ASIC4: variants seen among roughly 807,000 people sequenced by gnomAD.
ASIC4 encodes the protein acid sensing ion channel subunit family member 4, also known as acid-sensing ion channel 4.
Under a neutral mutation model 53.4 loss-of-function variants are expected in ASIC4, and 28 were observed. The ratio of observed to expected loss-of-function variants is 0.52; its 90% confidence interval spans 0.39 to 0.72. The LOEUF (loss-of-function observed/expected upper bound fraction) is 0.72, where lower values mean the gene tolerates loss of function less well. Among genes scored for constraint, ASIC4 ranks in the 30% least tolerant of loss-of-function variants. The probability of loss-of-function intolerance (pLI) is 0.00; values close to 1 mark genes in which losing one functional copy is unlikely to be tolerated. For synonymous variants in ASIC4, 289 were observed against 301.4 expected (o/e 0.96, Z 0.43); for missense variants, 649 against 729.7 (o/e 0.89, Z 1.27).
chr2:219,515,244 G>A lies in ASIC4; in HGVS notation c.520G>A (p.Ala174Thr), dbSNP rs747978175. ...CCTCAACCGCACTGGCCACCAGCTCGCCGACATGCTTAAGAGCTGCAACTT... is the reference window on the plus strand; with the variant it reads ...CCTCAACCGCACTGGCCACCAGCTCACCGACATGCTTAAGAGCTGCAACTT... ...DILNRTGHQLADMLKSCNFSG... is the reference protein window; with the variant it reads ...DILNRTGHQLTDMLKSCNFSG... The change falls in exon 1 of 10, where the codon GCC becomes ACC. Residue 174 changes from alanine to threonine, a missense_variant. Transcript: ENST00000358078. 22 of 1,614,140 alleles carry A rather than the reference G, an allele frequency of 1.4e-5. No homozygotes were observed. In the South Asian group the frequency reaches 2.0e-4, roughly 14 times the overall value.
chr2:219,532,102 A>T lies in ASIC4; in HGVS notation c.829A>T (p.Thr277Ser). 1 of 1,614,078 alleles carries T rather than the reference A, an allele frequency of 6.2e-7. No homozygotes were observed. Among genetic ancestry groups the T allele is most frequent in the East Asian group, 2.2e-5 (1 of 44,864 alleles). The change falls in exon 3 of 10, where the codon ACC (threonine) becomes TCC (serine). Residue 277 changes from threonine to serine, a missense_variant. Transcript: ENST00000358078. ...GTTCGGGGTGTCCCCAGGCTTCCAG[A>T]CCTTTGTGTCCTGCCAGGAACAGCG... Reference protein sequence around the residue: ...LGFGVSPGFQTFVSCQEQRLT... With the variant: ...LGFGVSPGFQSFVSCQEQRLT...
In ASIC4 at chr2:219,531,792, A is replaced by G; in HGVS notation, c.617A>G (p.Asn206Ser). The G allele has an allele frequency of 1.2e-6, 2 of 1,612,376 alleles. No individual in the cohort carries two copies. Among genetic ancestry groups the G allele is most frequent in the Non-Finnish European group, 1.7e-6 (2 of 1,179,212 alleles). Residue 206 changes from asparagine (N) to serine (S), a missense_variant, in exon 2 of 10, where the codon AAC becomes AGC. Asn to Ser is a conservative substitution (Grantham distance 46). Transcript: ENST00000358078. ...CGCTATGGGAAGTGTTACACCTTCA[A>G]CGCGGACCCGCGGAGCTCGCTGCCC... ...YTRYGKCYTF[N>S]ADPRSSLPSR...
upstream of ASIC4, among the ~76,000 whole-genome samples, chr2:219,510,351 C>G (rs965585501): frequency 4.6e-5 from 7 of 152,188 alleles, no homozygotes; most frequent in Admixed American, 2.6e-4. The surrounding 1 kb of genome is among the most constrained non-coding windows in gnomAD (Gnocchi z 5.2). Context: ...CCAGCACCCC[C>G]TCCCGGCCAG....
upstream of ASIC4, chr2:219,514,280 T>G (rs543292891): frequency 2.0e-5 from 30 of 1,470,124 alleles, no homozygotes; most frequent in African/African-American, 3.9e-4. Context: ...CTGACGCCCG[T>G]GCTGCCGGTG....
In ASIC4 at chr2:219,517,978, C is replaced by T. The variant is rs4674407; in HGVS notation, c.582+2672C>T. Reference sequence around the variant, plus strand: ...CACATTTTCCAGCCTATTTTTACTCCGGGTAATGTGCCCTCCCCCAGTCCC... The same window carrying T: ...CACATTTTCCAGCCTATTTTTACTCTGGGTAATGTGCCCTCCCCCAGTCCC... On this transcript the variant is annotated intron_variant, in intron 1 of 9. Transcript: ENST00000358078. This position sits in a 1 kb window ranked among gnomAD's most constrained non-coding sequence, Gnocchi z 4.2. Among the ~76,000 whole-genome samples, 69,330 of 151,934 alleles carry T rather than the reference C, an allele frequency of 0.46. 16,066 individuals are homozygous for T. The highest frequency in any genetic ancestry group is 0.59 in the South Asian group (2,850 of 4,812).
chr2:219,511,504 G>A (rs567363569), upstream of ASIC4, among the ~76,000 whole-genome samples: 48 of 152,208 alleles, frequency 3.2e-4, no homozygotes, highest in South Asian at 9.7e-3. This position sits in a 1 kb window ranked among gnomAD's most constrained non-coding sequence, Gnocchi z 5.3. Context: ...GAATTGGACT[G>A]GGAATAAATC....
rs771617665 is a variant in ASIC4 at position 219,514,862 on chromosome 2, C to T, written c.138C>T (p.Ala46=). 2.2e-5 allele frequency: 36 copies of T among 1,612,796 alleles called. No individual in the cohort carries two copies. The highest frequency in any genetic ancestry group is 3.1e-5 in the Non-Finnish European group (36 of 1,179,830). ...CCCCCCGAGACCTGGCCACCTTTGC[C>T]AGCACCAGCACCCTGCATGGACTGG... ...GAAPRDLATF[A]STSTLHGLGR... The change falls in exon 1 of 10, where the codon GCC becomes GCT. Residue 46 remains alanine, a synonymous_variant. Coordinates refer to ENST00000358078, the MANE Select transcript of ASIC4 (RefSeq NM_018674.6).
chr2:219,537,878 TGGG>T lies in ASIC4; in HGVS notation c.1507-52_1507-50del. 6.6e-7 allele frequency: 1 copy of T among 1,510,210 alleles called. No individual in the cohort carries two copies. The highest frequency in any genetic ancestry group is 9.0e-7 in the Non-Finnish European group (1 of 1,106,270). 93.6% of individuals were successfully genotyped at this position (1,510,210 alleles called of 1,614,324 possible). A position where few individuals can be genotyped will look rare whatever the true frequency, so the allele number is the denominator to read the frequency against. ...AAGGAAAGGCTGGCGGTGTGAGCCC[TGGG>T]GGCACCACTTGAGCTCTCCCGGTCC... On this transcript the variant is annotated intron_variant, in intron 9 of 9. Coordinates refer to ENST00000358078, the MANE Select transcript of ASIC4 (RefSeq NM_018674.6). The surrounding 1 kb of genome is among the most constrained non-coding windows in gnomAD (Gnocchi z 4.9).
chr2:219,514,756 T>G lies in ASIC4; in HGVS notation c.32T>G (p.Phe11Cys). 1 of 1,613,424 alleles carries G rather than the reference T, an allele frequency of 6.2e-7. No individual in the cohort carries two copies. Among genetic ancestry groups the G allele is most frequent in the East Asian group, 2.2e-5 (1 of 44,828 alleles). The change falls in exon 1 of 10, where the codon TTT (phenylalanine) becomes TGT (cysteine). Residue 11 changes from phenylalanine to cysteine, a missense_variant. By Grantham distance (205) the Phe-to-Cys change is radical (BLOSUM62 -2). Transcript: ENST00000358078. MPIEIVCKIK[F>C]AEEDAKPKEK... ...ATCGAGATTGTGTGCAAAATCAAAT[T>G]TGCTGAGGAGGATGCGAAACCCAAG...
intron 1 of ASIC4, among the ~76,000 whole-genome samples, chr2:219,528,491 G>A (rs1182329588): frequency 6.6e-6 from 1 of 152,040 alleles, no homozygotes; most frequent in Non-Finnish European, 1.5e-5. Flanking sequence ...CCAAGTGTTA[G>A]TGTTGGGATT....
intron 1 of ASIC4, among the ~76,000 whole-genome samples, chr2:219,522,749 G>T (rs1212194903): frequency 6.6e-6 from 1 of 152,070 alleles, no homozygotes; most frequent in Non-Finnish European, 1.5e-5. Context: ...GGCCGCCGCG[G>T]GGGCGGGCGG....
intron 1 of ASIC4, among the ~76,000 whole-genome samples, chr2:219,525,189 C>G (rs1400145198): frequency 2.6e-5 from 4 of 152,232 alleles, no homozygotes; most frequent in Non-Finnish European, 5.9e-5. Flanking sequence ...AGTGATCAAT[C>G]TCTGCCCTAG....
Position 219,531,852 on chromosome 2 carries a change from T to G in ASIC4, c.677T>G (p.Ile226Ser). Residue 226 changes from isoleucine (I) to serine (S), a missense_variant, in exon 2 of 10, where the codon ATC becomes AGC. Physicochemically the swap from Ile to Ser is moderately radical, Grantham distance 142. Transcript: ENST00000358078. ...RAGGMGSGLEIMLDIQQEEYL... is the reference protein window; with the variant it reads ...RAGGMGSGLESMLDIQQEEYL... ...GGGGGCATGGGCAGTGGCCTGGAGA[T>G]CATGCTGGACATCCAGCAGGAGGAG... 7 of 1,613,700 alleles carry G rather than the reference T, an allele frequency of 4.3e-6. No homozygotes were observed. The highest frequency in any genetic ancestry group is 5.9e-6 in the Non-Finnish European group (7 of 1,179,812).
chr2:219,533,003 C>G (rs1479007579), intron 5 of ASIC4, 64 bp downstream of exon 5: 1 of 1,517,788 alleles, frequency 6.6e-7, no homozygotes, highest in East Asian at 2.3e-5. Context: ...CCACTCTTCT[C>G]CTCACTGTCT....
the ASIC4 span, among the ~76,000 whole-genome samples, chr2:219,508,576 C>T: frequency 6.6e-6 from 1 of 151,182 alleles, no homozygotes; most frequent in East Asian, 2.0e-4. Flanking sequence ...GAAGGACATG[C>T]CCCCCCCACT....
chr2:219,521,171 G>T (rs1694877830), intron 1 of ASIC4, among the ~76,000 whole-genome samples: 1 of 152,194 alleles, frequency 6.6e-6, no homozygotes, highest in Admixed American at 6.5e-5. Flanking sequence ...GGGAAGGGCA[G>T]TGACTGTTAC....
At position 219,528,791 on chromosome 2, in the gene ASIC4, T is replaced by A. The variant is rs538541815; in HGVS notation, c.583-2967T>A. Among the ~76,000 whole-genome samples the A allele has an allele frequency of 2.0e-5, 3 of 152,262 alleles. No homozygotes were observed. The South Asian group carries it at 6.2e-4, about 32-fold the overall frequency. ...CTGACCTCAAGTGTTCTGCCCTCCT[T>A]GGTCTCCCAAAGTGCTGGGATTACA... On this transcript the variant is annotated intron_variant, in intron 1 of 9. Transcript: ENST00000358078.
the ASIC4 span, among the ~76,000 whole-genome samples, chr2:219,508,499 G>GC: frequency 6.6e-6 from 1 of 151,900 alleles, no homozygotes; most frequent in Non-Finnish European, 1.5e-5. Flanking sequence ...TTTGTAACAT[G>GC]CCCCCCAGAG....
At chr2:219,508,671 C>T in the ASIC4 span, among the ~76,000 whole-genome samples, 8 of 152,136 alleles carry the variant, frequency 5.3e-5, no homozygotes, top group South Asian at 2.1e-4. Context: ...TGCCCCTGGA[C>T]GGGGTGCAGG....
Sources: gnomAD v4.1 joint callset for allele counts (sites outside exome capture counted in the v4.1 genomes callset) on GRCh38, gnomAD v4.1.1 for gene constraint, Gnocchi (gnomAD v3.1) non-coding constraint, MANE v1.5 for transcripts, NCBI Gene and HGNC (gene_info 2026-07-23, HGNC 2026-07-21) for gene names.